CHL1: variants seen among roughly 807,000 people sequenced by gnomAD.
CHL1 encodes the protein cell adhesion molecule L1 like.
Under a neutral mutation model 141.9 loss-of-function variants are expected in CHL1, and 96 were observed. The observed-to-expected ratio is 0.68, with a 90% CI of 0.57 to 0.80. CHL1 has a LOEUF of 0.80. CHL1 is among the 30% of genes least tolerant of loss of function. The probability of loss-of-function intolerance (pLI) is 0.00; values close to 1 mark genes in which losing one functional copy is unlikely to be tolerated. For synonymous variants in CHL1, 613 were observed against 502.2 expected (o/e 1.22, Z -2.95); for missense variants, 1,820 against 1,457.2 (o/e 1.25, Z -4.05).
intron 27 of CHL1, among the ~76,000 whole-genome samples, chr3:403,727 A>G (rs1338235203): frequency 6.6e-6 from 1 of 152,158 alleles, no homozygotes; most frequent in Non-Finnish European, 1.5e-5. Flanking sequence ...TTCCTATGAC[A>G]TCCCTTTATA....
At chr3:393,796 C>T (rs1463770245) in intron 23 of CHL1, among the ~76,000 whole-genome samples, 1 of 152,042 alleles carries the variant, frequency 6.6e-6, no homozygotes, top group Non-Finnish European at 1.5e-5. Flanking sequence ...GATGATTTCA[C>T]CTCCTTCTTT....
chr3:361,412 A>G (rs988627566), intron 12 of CHL1, among the ~76,000 whole-genome samples: 1 of 141,650 alleles, frequency 7.1e-6, no homozygotes, highest in East Asian at 2.1e-4. Flanking sequence ...AGCAAAGGAA[A>G]CTACCATCAG....
chr3:358,363 G>A (rs1703904730), intron 11 of CHL1, among the ~76,000 whole-genome samples: 1 of 152,112 alleles, frequency 6.6e-6, no homozygotes, highest in African/African-American at 2.4e-5. Flanking sequence ...CTGATTTTCA[G>A]GAGCTTTGTG....
intron 2 of CHL1, among the ~76,000 whole-genome samples, chr3:260,696 G>A (rs1278239454): frequency 6.6e-6 from 1 of 152,116 alleles, no homozygotes; most frequent in African/African-American, 2.4e-5. Context: ...TGTTCAAAAT[G>A]CTAATCTTTG....
chr3:287,870 A>T (rs954539643), intron 2 of CHL1, among the ~76,000 whole-genome samples: 1 of 151,950 alleles, frequency 6.6e-6, no homozygotes, highest in African/African-American at 2.4e-5. Context: ...GGTTGAAGCG[A>T]TTCTCCTGCC....
intron 15 of CHL1, among the ~76,000 whole-genome samples, chr3:367,511 T>C (rs962514373): frequency 1.3e-5 from 2 of 152,208 alleles, no homozygotes; most frequent in African/African-American, 4.8e-5. Context: ...AAAGGTACTT[T>C]CATTATAGGG....
intron 2 of CHL1, among the ~76,000 whole-genome samples, chr3:256,407 C>T (rs1049636544): frequency 1.3e-5 from 2 of 152,182 alleles, no homozygotes; most frequent in African/African-American, 2.4e-5. Flanking sequence ...ATAGAATTAT[C>T]TAGAGTTGTA....
chr3:250,162 A>G (rs1465229347), intron 2 of CHL1, among the ~76,000 whole-genome samples: 3 of 151,954 alleles, frequency 2.0e-5, no homozygotes, highest in African/African-American at 7.2e-5. Flanking sequence ...ATGGGGTCAC[A>G]CTATGTTGCC....
Position 390,762 on chromosome 3 carries a change from T to C in CHL1, c.2532T>C (p.Val844=). 6.2e-7 allele frequency: 1 copy of C among 1,612,960 alleles called. No individual in the cohort carries two copies. The highest frequency in any genetic ancestry group is 8.5e-7 in the Non-Finnish European group (1 of 1,178,898). ...VDVINSTLVK[V]TWSTVPKDRV... ...TTATAAACAGTACATTAGTTAAAGT[T>C]ACCTGGTCAACAGTTCCAAAGGACA... Residue 844 remains valine (V), a synonymous_variant, in exon 21 of 28, where the codon GTT becomes GTC. Transcript: ENST00000256509.
chr3:350,691 A>G (rs1449152497), intron 10 of CHL1, among the ~76,000 whole-genome samples: 2 of 152,150 alleles, frequency 1.3e-5, no homozygotes, highest in African/African-American at 4.8e-5. Context: ...TGTTTGGAAT[A>G]ACACTGCATT....
At chr3:296,697 G>A (rs1005776677) in intron 2 of CHL1, among the ~76,000 whole-genome samples, 1 of 152,072 alleles carries the variant, frequency 6.6e-6, no homozygotes, top group Admixed American at 6.6e-5. Flanking sequence ...AAAAATGAGG[G>A]GAAGTTATTT....
intron 2 of CHL1, among the ~76,000 whole-genome samples, chr3:267,586 T>G (rs1161199500): frequency 6.6e-6 from 1 of 152,208 alleles, no homozygotes; most frequent in Non-Finnish European, 1.5e-5. Flanking sequence ...TAAAATTCCT[T>G]TTTTGAGGAT....
intron 2 of CHL1, among the ~76,000 whole-genome samples, chr3:282,030 T>C (rs1273933203): frequency 6.6e-6 from 1 of 152,258 alleles, no homozygotes. Flanking sequence ...TAAGGTAGAA[T>C]TGATGCCTGG....
intron 2 of CHL1, among the ~76,000 whole-genome samples, chr3:287,829 G>A (rs1259088597): frequency 6.6e-6 from 1 of 151,750 alleles, no homozygotes; most frequent in African/African-American, 2.4e-5. Flanking sequence ...GCAGTGGCAC[G>A]ATCTCAGTTC....
At chr3:232,825 G>A (rs901816468) in intron 1 of CHL1, among the ~76,000 whole-genome samples, 3 of 152,008 alleles carry the variant, frequency 2.0e-5, no homozygotes, top group African/African-American at 7.2e-5. Context: ...GCCTGAGATG[G>A]TGCTGTTCTG....
intron 2 of CHL1, among the ~76,000 whole-genome samples, chr3:293,575 TA>T (rs1697904626): frequency 1.3e-5 from 2 of 152,180 alleles, no homozygotes; most frequent in Admixed American, 6.5e-5. Flanking sequence ...AAATATAAAA[TA>T]AACAAAAAGA....
chr3:231,799 A>G (rs1201698276), intron 1 of CHL1, among the ~76,000 whole-genome samples: 5 of 151,538 alleles, frequency 3.3e-5, no homozygotes, highest in Admixed American at 6.6e-5. Context: ...CTGGTCTCAA[A>G]CTCCTGACCT....
chr3:354,601 T>A (rs139124407), intron 10 of CHL1, 39 bp from the exon 11 acceptor site: 1 of 1,570,084 alleles, frequency 6.4e-7, no homozygotes, highest in Non-Finnish European at 8.6e-7. Context: ...CTTTTTGACA[T>A]AGATAACATC....
chr3:349,306 A>G (rs998799825), intron 9 of CHL1, 53 bp from the exon 10 acceptor site: 2 of 1,469,592 alleles, frequency 1.4e-6, no homozygotes, highest in Non-Finnish European at 1.9e-6. Flanking sequence ...TTTTCTTTGT[A>G]TTTTACTTTC....
Sources: gnomAD v4.1 joint callset for allele counts (sites outside exome capture counted in the v4.1 genomes callset) on GRCh38, gnomAD v4.1.1 for gene constraint, MANE v1.5 for transcripts, NCBI Gene and HGNC (gene_info 2026-07-23, HGNC 2026-07-21) for gene names.